The following ADGRB3 variants were observed in gnomAD, a reference collection of about 807,000 sequenced individuals.
The protein encoded by ADGRB3 is brain-specific angiogenesis inhibitor 3.
Under a neutral mutation model 193.4 loss-of-function variants are expected in ADGRB3, and 37 were observed. The observed-to-expected ratio is 0.19, with a 90% CI of 0.15 to 0.25. The LOEUF is 0.25. Among genes scored for constraint, ADGRB3 ranks in the 10% least tolerant of loss-of-function variants. The pLI, the probability that ADGRB3 is intolerant of heterozygous loss-of-function variation, is 1.00. For synonymous variants in ADGRB3, 690 were observed against 644.2 expected, an observed-to-expected ratio of 1.07 and a Z score of -1.08; for missense variants, 1,637 against 1,852.9, an observed-to-expected ratio of 0.88 and a Z score of 2.14.
At chr6:69,064,307 T>C (rs1771835562) in intron 16 of ADGRB3, among the ~76,000 whole-genome samples, 2 of 151,780 alleles carry the variant, frequency 1.3e-5, no homozygotes, top group Admixed American at 6.6e-5. Context: ...AGTTTAACTA[T>C]TTAAACTATT....
chr6:69,271,924 T>G (rs1170806595), intron 20 of ADGRB3, among the ~76,000 whole-genome samples: 2 of 152,220 alleles, frequency 1.3e-5, no homozygotes, highest in Non-Finnish European at 2.9e-5. Context: ...GCTTATAAAA[T>G]TGCAGTGTAG....
intron 3 of ADGRB3, among the ~76,000 whole-genome samples, chr6:68,681,299 C>T (rs576123303): frequency 6.6e-5 from 10 of 152,112 alleles, no homozygotes; most frequent in Non-Finnish European, 1.3e-4. Flanking sequence ...GACAAATATC[C>T]AAACTATATC....
At chr6:69,028,574 GA>G (rs960281990) in intron 13 of ADGRB3, among the ~76,000 whole-genome samples, 2 of 151,928 alleles carry the variant, frequency 1.3e-5, no homozygotes, top group African/African-American at 2.4e-5. Flanking sequence ...TAACTGCTGT[GA>G]AAAAAAGAGT....
chr6:69,072,970 G>T (rs2150311540), intron 16 of ADGRB3, among the ~76,000 whole-genome samples: 2 of 152,180 alleles, frequency 1.3e-5, no homozygotes, highest in Middle Eastern at 6.8e-3. Context: ...GGAACATCTG[G>T]ATCTATGCCG....
At chr6:68,684,424 T>C (rs969894048) in intron 3 of ADGRB3, among the ~76,000 whole-genome samples, 1 of 152,200 alleles carries the variant, frequency 6.6e-6, no homozygotes, top group African/African-American at 2.4e-5. Flanking sequence ...ATAATCTTGC[T>C]AACTCAGAGG....
chr6:68,871,860 C>T (rs1166943753), intron 3 of ADGRB3, among the ~76,000 whole-genome samples: 2 of 151,920 alleles, frequency 1.3e-5, no homozygotes, highest in African/African-American at 4.8e-5. Flanking sequence ...CTAAAATCTA[C>T]CTAAAGGCGA....
At chr6:69,371,344 A>G (rs1445375830) in intron 29 of ADGRB3, among the ~76,000 whole-genome samples, 1 of 152,018 alleles carries the variant, frequency 6.6e-6, no homozygotes, top group Non-Finnish European at 1.5e-5. Flanking sequence ...TGTCTCTCCT[A>G]ATGTTCAAGA....
At chr6:69,383,598 G>A (rs924202938) in intron 31 of ADGRB3, among the ~76,000 whole-genome samples, 98 of 152,000 alleles carry the variant, frequency 6.4e-4, no homozygotes, top group African/African-American at 2.2e-3. Flanking sequence ...TATACTAGTC[G>A]AAAGCTCAAA....
intron 24 of ADGRB3, among the ~76,000 whole-genome samples, chr6:69,338,590 T>C (rs1206919477): frequency 6.6e-6 from 1 of 152,174 alleles, no homozygotes; most frequent in Non-Finnish European, 1.5e-5. Context: ...GGGGTCTGAA[T>C]AAAGGGTTTT....
chr6:69,220,368 C>T (rs952646445), intron 17 of ADGRB3, among the ~76,000 whole-genome samples: 8 of 152,076 alleles, frequency 5.3e-5, no homozygotes, highest in Non-Finnish European at 8.8e-5. Context: ...ATAAGGAGAA[C>T]TTACAATTAC....
At chr6:68,722,145 C>G (rs1424561776) in intron 3 of ADGRB3, among the ~76,000 whole-genome samples, 1 of 151,488 alleles carries the variant, frequency 6.6e-6, no homozygotes, top group Admixed American at 6.6e-5. Flanking sequence ...TCCAAGCCAC[C>G]CATATGAATT....
chr6:69,241,920 TTTACTAGCTCTTA>T (rs1766392801), intron 20 of ADGRB3, among the ~76,000 whole-genome samples: 1 of 151,962 alleles, frequency 6.6e-6, no homozygotes, highest in Non-Finnish European at 1.5e-5. Flanking sequence ...TTAATTTTGC[TTTACTAGCTCTTA>T]GTAGATGTTC....
At chr6:69,043,438 T>A (rs1287064029) in intron 13 of ADGRB3, among the ~76,000 whole-genome samples, 1 of 152,238 alleles carries the variant, frequency 6.6e-6, no homozygotes, top group Non-Finnish European at 1.5e-5. Flanking sequence ...AGTTCCTGCC[T>A]TTTGTTATAT....
intron 20 of ADGRB3, among the ~76,000 whole-genome samples, chr6:69,290,835 T>A (rs1258567307): frequency 6.6e-6 from 1 of 152,106 alleles, no homozygotes; most frequent in South Asian, 2.1e-4. Context: ...TCAGTTAACA[T>A]GAAAATCTCT....
chr6:68,808,551 T>C (rs1767453181), intron 3 of ADGRB3, among the ~76,000 whole-genome samples: 1 of 152,142 alleles, frequency 6.6e-6, no homozygotes, highest in Non-Finnish European at 1.5e-5. Context: ...ACATAAATAG[T>C]ATGCTATGAA....
At chr6:69,254,981 G>A (rs1375778991) in intron 20 of ADGRB3, among the ~76,000 whole-genome samples, 1 of 150,720 alleles carries the variant, frequency 6.6e-6, no homozygotes, top group Non-Finnish European at 1.5e-5. Context: ...TCTTGCGATA[G>A]TTTACTGAGA....
chr6:69,189,928 C>A (rs1017039965), intron 17 of ADGRB3, among the ~76,000 whole-genome samples: 1 of 152,008 alleles, frequency 6.6e-6, no homozygotes, highest in African/African-American at 2.4e-5. Flanking sequence ...CTAAAAAATC[C>A]GAATCTCTTA....
chr6:69,347,608 T>A (rs1769129235), intron 26 of ADGRB3, among the ~76,000 whole-genome samples: 1 of 151,730 alleles, frequency 6.6e-6, no homozygotes, highest in Non-Finnish European at 1.5e-5. Flanking sequence ...GAGACCCACA[T>A]CTCTACAAAA....
intron 17 of ADGRB3, among the ~76,000 whole-genome samples, chr6:69,147,615 T>C (rs1284161881): frequency 6.6e-6 from 1 of 152,220 alleles, no homozygotes; most frequent in Non-Finnish European, 1.5e-5. Flanking sequence ...ATGTGCATTC[T>C]GCAGCTGTTG....
Sources: gnomAD v4.1 joint callset for allele counts (sites outside exome capture counted in the v4.1 genomes callset) on GRCh38, gnomAD v4.1.1 for gene constraint, MANE v1.5 for transcripts, NCBI Gene and HGNC (gene_info 2026-07-23, HGNC 2026-07-21) for gene names.